PRKCG: variants seen among roughly 807,000 people sequenced by gnomAD.
PRKCG encodes the protein protein kinase C gamma type.
In PRKCG, 28 loss-of-function variants were observed where a neutral mutation model predicts 82.0. The observed-to-expected ratio is 0.34, with a 90% CI of 0.25 to 0.47. PRKCG has a LOEUF of 0.47. Among genes scored for constraint, PRKCG ranks in the 20% least tolerant of loss-of-function variants. The pLI, the probability that PRKCG is intolerant of heterozygous loss-of-function variation, is 1.00. For missense variants in PRKCG, 640 were observed against 952.7 expected (o/e 0.67, Z 4.32); for synonymous variants, 383 against 376.6 (o/e 1.02, Z -0.20).
upstream of PRKCG, among the ~76,000 whole-genome samples, chr19:53,881,480 CAG>C (rs949902444): frequency 1.3e-5 from 2 of 151,576 alleles, no homozygotes; most frequent in African/African-American, 4.8e-5. Context: ...CTCAGGGAGA[CAG>C]AGGCGGAAGA....
chr19:53,895,805 A>G (rs948493143), intron 9 of PRKCG, among the ~76,000 whole-genome samples: 1 of 152,170 alleles, frequency 6.6e-6, no homozygotes, highest in African/African-American at 2.4e-5. Flanking sequence ...CACGCCTGTC[A>G]TCCCAGCACT....
intron 10 of PRKCG, 52 bp from the exon 11 acceptor site, chr19:53,898,388 T>A: frequency 3.1e-6 from 5 of 1,607,604 alleles, no homozygotes; most frequent in Non-Finnish European, 4.3e-6. Flanking sequence ...GGGCAGGTCC[T>A]GTACCACTGG....
rs1452362194 is a variant in PRKCG, at chr19:53,898,020, C to G, written c.1001C>G (p.Pro334Arg). 5 of 1,614,178 alleles carry G rather than the reference C, an allele frequency of 3.1e-6. No homozygotes were observed. In the South Asian group the frequency reaches 5.5e-5, roughly 18 times the overall value. The part of the protein sequence containing the change: ...IPSPSPSPTD[P>R]KRCFFGASPG... ...TCCCCTTCCCCTAGTCCCACCGACCCCAAGCGCTGCTTCTTCGGGGCGAGT... is the reference window on the plus strand; with the variant it reads ...TCCCCTTCCCCTAGTCCCACCGACCGCAAGCGCTGCTTCTTCGGGGCGAGT... Residue 334 changes from proline (P) to arginine (R), a missense_variant, in exon 10 of 18, where the codon CCC (proline) becomes CGC (arginine). Physicochemically the swap from Pro to Arg is moderately radical, Grantham distance 103 (BLOSUM62 -2). Transcript: ENST00000263431.
chr19:53,882,418 A>T lies in PRKCG; in HGVS notation c.-77A>T. 4 of 1,556,192 alleles carry T rather than the reference A, an allele frequency of 2.6e-6. No individual in the cohort carries two copies. The South Asian group carries it at 4.7e-5, about 18-fold the overall frequency. ...TCCCTGTGGCTCCTTTGATCCTTCG[A>T]GTCTCCAGCTCCTCTCCCTTCCACC... On this transcript the variant is annotated 5_prime_UTR_variant, in exon 1 of 18. Coordinates refer to ENST00000263431, the MANE Select transcript of PRKCG (RefSeq NM_002739.5). The surrounding 1 kb of genome is among the most constrained non-coding windows in gnomAD (Gnocchi z 6.1).
rs528882670 is a variant in PRKCG, at chr19:53,897,525, CA to C, written c.940-431del. Among the ~76,000 whole-genome samples, 14 of 152,232 alleles carry C rather than the reference CA, an allele frequency of 9.2e-5. No homozygotes were observed. In the East Asian group the frequency reaches 2.7e-3, roughly 29 times the overall value. ...AGTGGGACCCAGCAATCTGTTTTAC[CA>C]AACCCTCTAGGGAATTCCGGCTTAG... On this transcript the variant is annotated intron_variant, in intron 9 of 17. Coordinates refer to ENST00000263431, the MANE Select transcript of PRKCG (RefSeq NM_002739.5).
intron 16 of PRKCG, among the ~76,000 whole-genome samples, chr19:53,906,077 TCC>T (rs1568763953): frequency 3.8e-4 from 27 of 71,268 alleles, no homozygotes; most frequent in Admixed American, 1.1e-3. Context: ...CTCCTCCTCC[TCC>T]TCCTCCTTCT....
At chr19:53,886,379 C>T (rs1335906249) in intron 3 of PRKCG, among the ~76,000 whole-genome samples, 1 of 152,078 alleles carries the variant, frequency 6.6e-6, no homozygotes, top group Non-Finnish European at 1.5e-5. Context: ...GCTGGGATTA[C>T]AGGCGTGAGC....
rs2068685932 is a variant in PRKCG at position 53,892,664 on chromosome 19, CTGGGGA to C, written c.821+25_821+30del. The C allele has an allele frequency of 6.2e-7, 1 of 1,606,626 alleles. No individual in the cohort carries two copies. The highest frequency in any genetic ancestry group is 1.3e-5 in the African/African-American group (1 of 74,822). ...GGCTGGTGAGGAGCAGGGCTGGGGC[CTGGGGA>C]TGGAGCGCAATATTACCATCTCCAT... is the stretch of plus-strand genomic sequence containing the variant. On this transcript the variant is annotated intron_variant, in intron 7 of 17. Coordinates refer to ENST00000263431, the MANE Select transcript of PRKCG (RefSeq NM_002739.5). The surrounding 1 kb of genome is among the most constrained non-coding windows in gnomAD (Gnocchi z 5.9).
intron 9 of PRKCG, among the ~76,000 whole-genome samples, chr19:53,895,860 C>G (rs190698515): frequency 6.6e-6 from 1 of 152,116 alleles, no homozygotes. Flanking sequence ...GAGATCGAGA[C>G]CATCCTGGCT....
chr19:53,906,272 CA>C, intron 16 of PRKCG, 44 bp from the exon 17 acceptor site: 1 of 1,550,420 alleles, frequency 6.4e-7, no homozygotes, highest in Non-Finnish European at 8.7e-7. Context: ...ACCTGTCCGG[CA>C]CTCTGTCTGT....
intron 14 of PRKCG, among the ~76,000 whole-genome samples, 168 bp from the exon 15 acceptor site, chr19:53,902,905 A>C (rs796380334): frequency 1.3e-5 from 2 of 150,900 alleles, no homozygotes; most frequent in African/African-American, 2.5e-5. Flanking sequence ...AAAAAAAAAA[A>C]AAAAAAAAAA....
intron 11 of PRKCG, 97 bp downstream of exon 11, chr19:53,898,725 ACTTT>A: frequency 9.0e-7 from 1 of 1,106,214 alleles, no homozygotes; most frequent in Non-Finnish European, 1.2e-6. Flanking sequence ...AGGCAAGAGA[ACTTT>A]GTGCTCTCTG....
rs751456549 is a variant in PRKCG, at chr19:53,890,068, G to GGGGCTGACCCAAGGCACTT, written c.529+53_529+71dup. On this transcript the variant is annotated intron_variant, in intron 5 of 17. Coordinates refer to ENST00000263431, the MANE Select transcript of PRKCG (RefSeq NM_002739.5). The stretch of plus-strand genomic sequence containing the variant: ...CCCGCCCCCTCCCCAAGTGTGAGGC[G>GGGGCTGACCCAAGGCACTT]GGGCTGACCCAAGGCACTTGTGCTG... 24 of 1,531,858 alleles carry GGGGCTGACCCAAGGCACTT rather than the reference G, an allele frequency of 1.6e-5. No homozygotes were observed. The South Asian group carries it at 1.8e-4, about 11-fold the overall frequency. 94.9% of individuals were successfully genotyped at this position (1,531,858 alleles called of 1,614,324 possible). A position where few individuals can be genotyped will look rare whatever the true frequency, so the allele number is the denominator to read the frequency against.
chr19:53,882,725 C>G lies in PRKCG; in HGVS notation c.170+61C>G. The G allele has an allele frequency of 6.3e-7, 1 of 1,590,156 alleles. No individual in the cohort carries two copies. The highest frequency in any genetic ancestry group is 2.3e-5 in the East Asian group (1 of 44,366). ...GGACTAGGGGTGCAGACTCCTATCA[C>G]GCCGACCCCTGTGGAAGGAAGAAGG... On this transcript the variant is annotated intron_variant, in intron 1 of 17. Transcript: ENST00000263431. This position sits in a 1 kb window ranked among gnomAD's most constrained non-coding sequence, Gnocchi z 6.1.
In PRKCG at chr19:53,901,627, G is replaced by A. The variant is rs369016198; in HGVS notation, c.1575+878G>A. On this transcript the variant is annotated intron_variant, in intron 14 of 17. Transcript: ENST00000263431. ...CAGCACTTGGGAGGCTGAGGCGGGC[G>A]GATCACAAGGTCAGGAGTTTGAGAC... Among the ~76,000 whole-genome samples the A allele has an allele frequency of 3.9e-4, 58 of 147,894 alleles. 2 individuals are homozygous for A. The highest frequency in any genetic ancestry group is 2.4e-3 in the East Asian group (12 of 4,940).
chr19:53,893,437 C>A, intron 9 of PRKCG, 46 bp downstream of exon 9: 1 of 1,566,214 alleles, frequency 6.4e-7, no homozygotes, highest in African/African-American at 1.4e-5. Context: ...TTGCCTACTT[C>A]TCTGATTTCT....
Position 53,904,664 on chromosome 19 carries a change from G to A in PRKCG, c.1686G>A (p.Glu562=). ...CCTTCGATGGGGAGGACGAGGAGGA[G>A]CTGTTTCAGGCCATCATGGAACAAA... The part of the protein sequence containing the change: ...QPPFDGEDEE[E]LFQAIMEQTV... The change falls in exon 16 of 18, where the codon GAG becomes GAA. Residue 562 remains glutamate (E), a synonymous_variant. Transcript: ENST00000263431. 2 of 1,613,670 alleles carry A rather than the reference G, an allele frequency of 1.2e-6. No individual in the cohort carries two copies. The highest frequency in any genetic ancestry group is 1.7e-6 in the Non-Finnish European group (2 of 1,179,968).
At position 53,892,381 on chromosome 19, in the gene PRKCG, C is replaced by T. The variant is rs2068682740; in HGVS notation, c.687-128C>T. The T allele has an allele frequency of 9.8e-6, 14 of 1,423,078 alleles. No individual in the cohort carries two copies. The highest frequency in any genetic ancestry group is 9.0e-5 in the South Asian group (7 of 77,756). 88.2% of individuals were successfully genotyped at this position (1,423,078 alleles called of 1,614,324 possible). A position where few individuals can be genotyped will look rare whatever the true frequency, so the allele number is the denominator to read the frequency against. On this transcript the variant is annotated intron_variant, in intron 6 of 17. Coordinates refer to ENST00000263431, the MANE Select transcript of PRKCG (RefSeq NM_002739.5). The surrounding 1 kb of genome is among the most constrained non-coding windows in gnomAD (Gnocchi z 5.9). The stretch of plus-strand genomic sequence containing the variant: ...GAGCCCGGCTGGGAAGGTCAGAGGT[C>T]GGAGACCGACAAAGCAGGAGAGGAG...
Position 53,882,542 on chromosome 19 carries a change from G to A in PRKCG, c.48G>A (p.Arg16=), listed in dbSNP as rs138603798. The change falls in exon 1 of 18, where the codon CGG becomes CGA. Residue 16 remains arginine, a synonymous_variant. Transcript: ENST00000263431. This position sits in a 1 kb window ranked among gnomAD's most constrained non-coding sequence, Gnocchi z 6.1. ...PGVGDSEGGP[R]PLFCRKGALR... ...TAGGCGATTCAGAGGGGGGACCCCG[G>A]CCCCTGTTTTGCAGAAAGGGGGCCC... is the stretch of plus-strand genomic sequence containing the variant. The A allele has an allele frequency of 1.9e-5, 30 of 1,614,068 alleles. No individual in the cohort carries two copies. The African/African-American group carries it at 3.6e-4, about 19-fold the overall frequency.
Sources: gnomAD v4.1 joint callset for allele counts (sites outside exome capture counted in the v4.1 genomes callset) on GRCh38, gnomAD v4.1.1 for gene constraint, Gnocchi (gnomAD v3.1) non-coding constraint, MANE v1.5 for transcripts, NCBI Gene and HGNC (gene_info 2026-07-23, HGNC 2026-07-21) for gene names.